Variants in LRBA observed in about 807,000 individuals in gnomAD.
LRBA encodes lipopolysaccharide-responsive and beige-like anchor protein.
A neutral mutation model predicts 330.0 loss-of-function variants in LRBA; 176 were observed. The observed-to-expected ratio is 0.53, with a 90% CI of 0.47 to 0.60. The LOEUF (loss-of-function observed/expected upper bound fraction) is 0.60, where lower values mean the gene tolerates loss of function less well. Among genes scored for constraint, LRBA ranks in the 20% least tolerant of loss-of-function variants. The probability of loss-of-function intolerance (pLI) is 0.00; values close to 1 mark genes in which losing one functional copy is unlikely to be tolerated. For synonymous variants in LRBA, 1,230 were observed against 1,193.0 expected (o/e 1.03, Z -0.64); for missense variants, 3,259 against 3,444.8 (o/e 0.95, Z 1.35).
At chr4:150,780,649 G>GTA (rs1738067379) in intron 34 of LRBA, among the ~76,000 whole-genome samples, 3 of 8,848 alleles carry the variant, frequency 3.4e-4, no homozygotes, top group South Asian at 1.9e-3. Context: ...ATATATATGT[G>GTA]TATATATATA....
intron 51 of LRBA, 162 bp from the exon 52 acceptor site, chr4:150,310,546 A>G: frequency 2.0e-6 from 1 of 510,198 alleles, no homozygotes; most frequent in East Asian, 3.0e-5. Flanking sequence ...AATTGCTGGA[A>G]AAATGTGGGT....
At chr4:150,524,248 C>T (rs1426425621) in intron 40 of LRBA, among the ~76,000 whole-genome samples, 1 of 152,136 alleles carries the variant, frequency 6.6e-6, no homozygotes, top group East Asian at 1.9e-4. Context: ...CTTATAGTTA[C>T]ATCACTAACA....
intron 47 of LRBA, among the ~76,000 whole-genome samples, chr4:150,380,873 T>C (rs1742118005): frequency 6.7e-6 from 1 of 149,330 alleles, no homozygotes; most frequent in East Asian, 2.0e-4. Context: ...TCTCAACTAC[T>C]TGGGAGGCTG....
intron 36 of LRBA, among the ~76,000 whole-genome samples, chr4:150,724,025 G>A (rs1289172658): frequency 2.6e-5 from 4 of 152,310 alleles, no homozygotes; most frequent in Middle Eastern, 3.4e-3. Flanking sequence ...TTTGAGTGCA[G>A]GCATAATGAC....
chr4:150,770,028 T>TTTACCACAA (rs1450483248), intron 34 of LRBA, among the ~76,000 whole-genome samples: 1 of 152,170 alleles, frequency 6.6e-6, no homozygotes, highest in African/African-American at 2.4e-5. Flanking sequence ...CAGATCAGCA[T>TTTACCACAA]TTGAAGTGGT....
At chr4:150,324,627 A>G (rs531334636) in intron 49 of LRBA, among the ~76,000 whole-genome samples, 2 of 152,030 alleles carry the variant, frequency 1.3e-5, no homozygotes, top group East Asian at 3.9e-4. Flanking sequence ...AGGAAAAAAG[A>G]GCCAGAGGTA....
At chr4:150,850,959 G>T in intron 23 of LRBA, 57 bp from the exon 24 acceptor site, 1 of 1,290,590 alleles carries the variant, frequency 7.7e-7, no homozygotes, top group Non-Finnish European at 1.1e-6. Flanking sequence ...GGAGGCTTTA[G>T]CAAAGTAAAT....
chr4:150,766,126 C>T (rs973061694), intron 34 of LRBA, among the ~76,000 whole-genome samples: 1 of 151,880 alleles, frequency 6.6e-6, no homozygotes, highest in Admixed American at 6.6e-5. Flanking sequence ...TATTTGTTAA[C>T]CTTCAGTAAT....
chr4:150,491,027 T>C lies in LRBA; in HGVS notation c.6339A>G (p.Ala2113=), dbSNP rs2152104040. 1 of 1,555,182 alleles carries C rather than the reference T, an allele frequency of 6.4e-7. No individual in the cohort carries two copies. The highest frequency in any genetic ancestry group is 1.2e-5 in the South Asian group (1 of 84,850). The change falls in exon 41 of 57, where the codon GCA becomes GCG. Residue 2113 remains alanine, a synonymous_variant. Transcript: ENST00000651943. ...NFKKIDPKIL[A]YTEGLHGKWL... is the part of the protein sequence containing the mutation. ...ATTTTCCATGCAGCCCTTCTGTATATGCCAAGATCTAATGAGGAAAAAAAT... is the reference window on the plus strand; with the variant it reads ...ATTTTCCATGCAGCCCTTCTGTATACGCCAAGATCTAATGAGGAAAAAAAT...
intron 37 of LRBA, among the ~76,000 whole-genome samples, chr4:150,671,506 T>C (rs1782064111): frequency 1.3e-5 from 2 of 152,192 alleles, no homozygotes; most frequent in South Asian, 4.1e-4. Context: ...TAGATTTTGT[T>C]CTGATGATAA....
rs1733225461 is a variant in LRBA at position 150,326,085 on chromosome 4, A to C, written c.7363-187T>G. Among the ~76,000 whole-genome samples, 4 of 152,198 alleles carry C rather than the reference A, an allele frequency of 2.6e-5. No homozygotes were observed. The South Asian group carries it at 8.3e-4, about 31-fold the overall frequency. Reference sequence around the variant, plus strand: ...GGGTGAGGTCATCATTTAGAACCGCAGAAGCTGTTCCTCTAAAACTCTGCA... The same window carrying C: ...GGGTGAGGTCATCATTTAGAACCGCCGAAGCTGTTCCTCTAAAACTCTGCA... On this transcript the variant is annotated intron_variant, in intron 48 of 56. Coordinates refer to ENST00000651943, the MANE Select transcript of LRBA (RefSeq NM_001364905.1).
Position 150,703,022 on chromosome 4 carries a change from G to A in LRBA, c.5755-19305C>T, listed in dbSNP as rs188380462. ...CTAAAAATACAAAAATTAGCCAGGC[G>A]TCATAGTGGACGCCTGTGATCCCAG... is the stretch of plus-strand genomic sequence containing the variant. On this transcript the variant is annotated intron_variant, in intron 36 of 56. Coordinates refer to ENST00000651943, the MANE Select transcript of LRBA (RefSeq NM_001364905.1). 1.5e-4 allele frequency among the ~76,000 whole-genome samples: 23 copies of A among 152,254 alleles called. No homozygotes were observed. The East Asian group carries it at 4.1e-3, about 27-fold the overall frequency.
intron 36 of LRBA, among the ~76,000 whole-genome samples, chr4:150,734,501 T>C (rs1038229034): frequency 6.6e-6 from 1 of 152,140 alleles, no homozygotes; most frequent in African/African-American, 2.4e-5. Flanking sequence ...ACCAGAAAAA[T>C]GTCAGCAACA....
At chr4:150,302,567 C>T in intron 53 of LRBA, 58 bp downstream of exon 53, 1 of 1,243,328 alleles carries the variant, frequency 8.0e-7, no homozygotes, top group Non-Finnish European at 1.1e-6. Flanking sequence ...AACTTTACTG[C>T]AAAATGTTAT....
intron 36 of LRBA, among the ~76,000 whole-genome samples, chr4:150,693,563 C>CAAA (rs70941428): frequency 0.062 from 3,287 of 52,646 alleles, 385 homozygotes; most frequent in African/African-American, 0.2. Flanking sequence ...GACTCCGTCT[C>CAAA]AAAAAAAAAA....
intron 56 of LRBA, among the ~76,000 whole-genome samples, chr4:150,275,477 G>A (rs530854713): frequency 5.9e-5 from 9 of 152,300 alleles, no homozygotes; most frequent in Non-Finnish European, 1.3e-4. Flanking sequence ...GATAGGAAAA[G>A]AGGAAGTCAA....
chr4:150,856,363 C>T (rs554067736), intron 22 of LRBA, among the ~76,000 whole-genome samples: 1 of 152,238 alleles, frequency 6.6e-6, no homozygotes, highest in South Asian at 2.1e-4. Context: ...CCCTTCATCT[C>T]TCTTCTATGT....
chr4:150,415,649 CAAAA>C, intron 46 of LRBA, 59 bp from the exon 47 acceptor site: 5 of 990,676 alleles, frequency 5.0e-6, no homozygotes, highest in Non-Finnish European at 7.5e-6. Flanking sequence ...ACTAGATATT[CAAAA>C]AAAGGACCTG....
chr4:150,828,065 G>T (rs749893537), intron 30 of LRBA, 115 bp downstream of exon 30: 2 of 796,808 alleles, frequency 2.5e-6, no homozygotes, highest in African/African-American at 1.7e-5. Flanking sequence ...AGTTCTGAGG[G>T]AGTGAAAAGT....
Sources: gnomAD v4.1 joint callset for allele counts (sites outside exome capture counted in the v4.1 genomes callset) on GRCh38, gnomAD v4.1.1 for gene constraint, MANE v1.5 for transcripts, NCBI Gene and HGNC (gene_info 2026-07-23, HGNC 2026-07-21) for gene names.